Variants in AGAP1 observed in about 807,000 individuals in gnomAD.
AGAP1 encodes ArfGAP with GTPase domain, ankyrin repeat and PH domain 1, also known as arf-GAP with GTPase, ANK repeat and PH domain-containing protein 1.
Under a neutral mutation model 105.3 loss-of-function variants are expected in AGAP1, and 29 were observed. The ratio of observed to expected loss-of-function variants is 0.28; its 90% confidence interval spans 0.21 to 0.38. The LOEUF (loss-of-function observed/expected upper bound fraction) is 0.38, where lower values mean the gene tolerates loss of function less well. Ranked by LOEUF, AGAP1 falls within the 10% of genes least tolerant of loss-of-function variation. The pLI is 1.00. For missense variants in AGAP1, 998 were observed against 1,165.1 expected, an observed-to-expected ratio of 0.86 and a Z score of 2.09; for synonymous variants, 509 against 485.9, an observed-to-expected ratio of 1.05 and a Z score of -0.63.
chr2:235,843,555 C>T lies in AGAP1; in HGVS notation c.1050+36224C>T, dbSNP rs1049798374. On this transcript the variant is annotated intron_variant, in intron 9 of 17. Coordinates refer to ENST00000304032, the MANE Select transcript of AGAP1 (RefSeq NM_001037131.3). This position sits in a 1 kb window ranked among gnomAD's most constrained non-coding sequence, Gnocchi z 5.9. ...GGGATGCCTCCGCCTCCCTTCGTTCCCCATTTGCAGCCTCTAGGTGCCCTG... is the reference window on the plus strand; with the variant it reads ...GGGATGCCTCCGCCTCCCTTCGTTCTCCATTTGCAGCCTCTAGGTGCCCTG... 6.6e-6 allele frequency among the ~76,000 whole-genome samples: 1 copy of T among 152,146 alleles called. No homozygotes were observed. Among genetic ancestry groups the T allele is most frequent in the Non-Finnish European group, 1.5e-5 (1 of 68,038 alleles).
chr2:235,902,610 A>G (rs1408053634), intron 10 of AGAP1, among the ~76,000 whole-genome samples: 3 of 152,234 alleles, frequency 2.0e-5, no homozygotes, highest in Non-Finnish European at 2.9e-5. Flanking sequence ...GAAGGTGTCA[A>G]GCTCATAGTT....
intron 6 of AGAP1, among the ~76,000 whole-genome samples, chr2:235,767,777 CTTTTTTTT>C (rs71414307): frequency 3.2e-5 from 2 of 62,040 alleles, no homozygotes; most frequent in East Asian, 6.0e-4. Context: ...AGTTTCTTGT[CTTTTTTTT>C]TTTTTTTTTT....
Position 235,623,050 on chromosome 2 carries a change from C to T in AGAP1, c.164-86129C>T, listed in dbSNP as rs182180194. 6.6e-6 allele frequency among the ~76,000 whole-genome samples: 1 copy of T among 152,272 alleles called. No individual in the cohort carries two copies. Among genetic ancestry groups the T allele is most frequent in the Admixed American group, 6.5e-5 (1 of 15,300 alleles). On this transcript the variant is annotated intron_variant, in intron 1 of 17. Transcript: ENST00000304032. This position sits in a 1 kb window ranked among gnomAD's most constrained non-coding sequence, Gnocchi z 4.5. Reference sequence around the variant, plus strand: ...AAAAGTGGAAGAGGTTAGAAGCTAACTTGGACATTCTTTTTGGGGGAATAG... The same window carrying T: ...AAAAGTGGAAGAGGTTAGAAGCTAATTTGGACATTCTTTTTGGGGGAATAG...
At chr2:235,670,576 CG>C in intron 1 of AGAP1, 1 of 513,000 alleles carries the variant, frequency 1.9e-6, no homozygotes, top group Non-Finnish European at 3.4e-6. Flanking sequence ...GGCACTGGAG[CG>C]GGCCTGAGGC....
Position 235,843,019 on chromosome 2 carries a change from G to A in AGAP1, c.1050+35688G>A, listed in dbSNP as rs1444002803. Among the ~76,000 whole-genome samples, 1 of 152,226 alleles carries A rather than the reference G, an allele frequency of 6.6e-6. No homozygotes were observed. The highest frequency in any genetic ancestry group is 1.5e-5 in the Non-Finnish European group (1 of 68,050). ...TGGAGTTACAGGCGTTAGCTGCCGT[G>A]CCCGGCCCGTGTGAGATTTGATGTG... On this transcript the variant is annotated intron_variant, in intron 9 of 17. Transcript: ENST00000304032. This position sits in a 1 kb window ranked among gnomAD's most constrained non-coding sequence, Gnocchi z 5.9.
chr2:235,750,197 C>T lies in AGAP1; in HGVS notation c.539-157C>T, dbSNP rs1478714010. On this transcript the variant is annotated intron_variant, in intron 5 of 17. Transcript: ENST00000304032. The surrounding 1 kb of genome is among the most constrained non-coding windows in gnomAD (Gnocchi z 5.3). ...ATAACTTTCTCTTGTGTTTGAGTCT[C>T]TTAGTTGGGAGGCAAACGATGCTCT... 1.3e-5 allele frequency among the ~76,000 whole-genome samples: 2 copies of T among 152,192 alleles called. No homozygotes were observed. Among genetic ancestry groups the T allele is most frequent in the African/African-American group, 4.8e-5 (2 of 41,448 alleles).
At chr2:236,049,037 C>T (rs368725466) in intron 15 of AGAP1, 22 bp from the exon 16 acceptor site, 34 of 1,600,528 alleles carry the variant, frequency 2.1e-5, no homozygotes, top group Admixed American at 6.7e-5. Flanking sequence ...TTGCGTTTAG[C>T]GTTCTGTTCC....
chr2:235,713,157 T>C (rs1950934510), intron 2 of AGAP1, among the ~76,000 whole-genome samples: 1 of 152,220 alleles, frequency 6.6e-6, no homozygotes, highest in South Asian at 2.1e-4. Context: ...TGTTTGGTTT[T>C]GGAGCATTTT....
intron 1 of AGAP1, among the ~76,000 whole-genome samples, chr2:235,523,915 C>A (rs541959199): frequency 7.9e-5 from 12 of 151,764 alleles, no homozygotes; most frequent in Non-Finnish European, 2.9e-5. Context: ...CAGCGTGCCT[C>A]CTCATCCCTC....
In AGAP1 at chr2:236,010,350, G is replaced by A. The variant is rs1052802870; in HGVS notation, c.1646-26211G>A. On this transcript the variant is annotated intron_variant, in intron 13 of 17. Coordinates refer to ENST00000304032, the MANE Select transcript of AGAP1 (RefSeq NM_001037131.3). ...CCTTCTGTCTGTCTTTGAAAAGATC[G>A]TGACTGTCTGTTAGTAATTACAAGG... Among the ~76,000 whole-genome samples the A allele has an allele frequency of 7.9e-5, 12 of 152,262 alleles. No individual in the cohort carries two copies. The South Asian group carries it at 8.3e-4, about 11-fold the overall frequency.
chr2:235,527,627 A>G (rs1574770325), intron 1 of AGAP1, among the ~76,000 whole-genome samples: 3 of 152,170 alleles, frequency 2.0e-5, no homozygotes, highest in African/African-American at 4.8e-5. Context: ...TGCCCAAACC[A>G]TCTGCCTATC....
chr2:235,947,639 C>T (rs764128741), intron 12 of AGAP1, among the ~76,000 whole-genome samples: 3 of 152,138 alleles, frequency 2.0e-5, no homozygotes, highest in Non-Finnish European at 2.9e-5. Context: ...CATCTCCCCC[C>T]GACCAGAATT....
At position 235,611,144 on chromosome 2, in the gene AGAP1, C is replaced by T. The variant is rs1946112215; in HGVS notation, c.164-98035C>T. Among the ~76,000 whole-genome samples, 1 of 152,182 alleles carries T rather than the reference C, an allele frequency of 6.6e-6. No individual in the cohort carries two copies. The highest frequency in any genetic ancestry group is 6.5e-5 in the Admixed American group (1 of 15,282). ...CTCTGCCCTACTGGATCCTCCACCT[C>T]TCACTTCATTTTGCCAGTTGAAATG... is the stretch of plus-strand genomic sequence containing the variant. On this transcript the variant is annotated intron_variant, in intron 1 of 17. Coordinates refer to ENST00000304032, the MANE Select transcript of AGAP1 (RefSeq NM_001037131.3). This position sits in a 1 kb window ranked among gnomAD's most constrained non-coding sequence, Gnocchi z 5.0.
intron 9 of AGAP1, among the ~76,000 whole-genome samples, chr2:235,822,017 G>GACAGCCACC (rs1958815827): frequency 6.6e-6 from 1 of 152,238 alleles, no homozygotes; most frequent in Non-Finnish European, 1.5e-5. Context: ...AGAGGCACCT[G>GACAGCCACC]ACAGCCACCT....
intron 6 of AGAP1, among the ~76,000 whole-genome samples, chr2:235,780,401 G>A (rs12472838): frequency 0.26 from 39,290 of 151,990 alleles, 5,428 homozygotes; most frequent in Admixed American, 0.4. Context: ...TTTAAGCCAA[G>A]TAAGCAAACT....
In AGAP1 at chr2:236,044,363, G is replaced by C. The variant is rs1250536238; in HGVS notation, c.1891+3522G>C. Among the ~76,000 whole-genome samples, 1 of 152,126 alleles carries C rather than the reference G, an allele frequency of 6.6e-6. No individual in the cohort carries two copies. Among genetic ancestry groups the C allele is most frequent in the Non-Finnish European group, 1.5e-5 (1 of 68,006 alleles). On this transcript the variant is annotated intron_variant, in intron 15 of 17. Coordinates refer to ENST00000304032, the MANE Select transcript of AGAP1 (RefSeq NM_001037131.3). The surrounding 1 kb of genome is among the most constrained non-coding windows in gnomAD (Gnocchi z 5.7). Reference sequence around the variant, plus strand: ...AATCCTAGGGCTTGGGACCCTCAGTGGCTCTCACCAGCAGGTCTGACCTTC... The same window carrying C: ...AATCCTAGGGCTTGGGACCCTCAGTCGCTCTCACCAGCAGGTCTGACCTTC...
In AGAP1 at chr2:235,864,955, C is replaced by T. The variant is rs902049708; in HGVS notation, c.1051-18390C>T. Among the ~76,000 whole-genome samples the T allele has an allele frequency of 2.0e-5, 3 of 152,144 alleles. No homozygotes were observed. ...ACATCTCGTCGGCATTACTCATCGT[C>T]AACATGGGTTTTTAAAAGGGAAGGA... On this transcript the variant is annotated intron_variant, in intron 9 of 17. Transcript: ENST00000304032. The surrounding 1 kb of genome is among the most constrained non-coding windows in gnomAD (Gnocchi z 5.0).
At chr2:235,693,671 T>C (rs1949853600) in intron 1 of AGAP1, among the ~76,000 whole-genome samples, 1 of 152,108 alleles carries the variant, frequency 6.6e-6, no homozygotes, top group Non-Finnish European at 1.5e-5. Context: ...CTGGGCAACA[T>C]AGTGAGGCCT....
intron 1 of AGAP1, among the ~76,000 whole-genome samples, chr2:235,666,593 G>GCTGGAAGAGGTTCC (rs1416089879): frequency 9.9e-5 from 15 of 151,574 alleles, no homozygotes; most frequent in African/African-American, 3.4e-4. Context: ...ACTGGCTATG[G>GCTGGAAGAGGTTCC]CTGGAAGAGG....
Sources: gnomAD v4.1 joint callset for allele counts (sites outside exome capture counted in the v4.1 genomes callset) on GRCh38, gnomAD v4.1.1 for gene constraint, Gnocchi (gnomAD v3.1) non-coding constraint, MANE v1.5 for transcripts, NCBI Gene and HGNC (gene_info 2026-07-23, HGNC 2026-07-21) for gene names.